Variants in ZBTB20 observed in about 807,000 individuals in gnomAD.
The protein encoded by ZBTB20 is zinc finger and BTB domain containing 20, also known as zinc finger and BTB domain-containing protein 20.
In ZBTB20, 9 loss-of-function variants were observed where a neutral mutation model predicts 56.9. The observed-to-expected ratio is 0.16, with a 90% CI of 0.10 to 0.28. The LOEUF (loss-of-function observed/expected upper bound fraction) is 0.28. Among genes scored for constraint, ZBTB20 ranks in the 10% least tolerant of loss-of-function variants. The pLI is 1.00. For missense variants in ZBTB20, 655 were observed against 1,003.0 expected, an observed-to-expected ratio of 0.65 and a Z score of 4.69; for synonymous variants, 417 against 420.7, an observed-to-expected ratio of 0.99 and a Z score of 0.11.
At chr3:114,753,654 A>C (rs2067779308) in intron 5 of ZBTB20, among the ~76,000 whole-genome samples, 1 of 151,796 alleles carries the variant, frequency 6.6e-6, no homozygotes. Flanking sequence ...GGCTGGTCTC[A>C]AACTCCTGAC....
chr3:114,858,680 G>A (rs1025286754), intron 4 of ZBTB20, among the ~76,000 whole-genome samples: 75 of 152,156 alleles, frequency 4.9e-4, no homozygotes, highest in African/African-American at 1.7e-3. Flanking sequence ...AGCTTAGAAA[G>A]TGCAGTCTTT....
At chr3:114,643,682 C>T (rs1341801831) in intron 6 of ZBTB20, among the ~76,000 whole-genome samples, 2 of 152,008 alleles carry the variant, frequency 1.3e-5, no homozygotes, top group Admixed American at 6.6e-5. Flanking sequence ...AAAAACTTCC[C>T]CAGAGGTATT....
At chr3:114,994,098 A>G (rs536802929) in intron 2 of ZBTB20, among the ~76,000 whole-genome samples, 1 of 152,012 alleles carries the variant, frequency 6.6e-6, no homozygotes, top group Admixed American at 6.6e-5. Context: ...GGCACTGATT[A>G]GAAACTTTAG....
chr3:114,562,189 T>TC (rs59681448), intron 6 of ZBTB20, among the ~76,000 whole-genome samples: 2,873 of 151,798 alleles, frequency 0.019, 93 homozygotes, highest in African/African-American at 0.065. Context: ...TTTTTTTTTT[T>TC]TTTTGAGACG....
chr3:114,685,334 G>A (rs1406730138), intron 6 of ZBTB20, among the ~76,000 whole-genome samples: 2 of 152,164 alleles, frequency 1.3e-5, no homozygotes, highest in East Asian at 3.9e-4. Context: ...GCTGTATCAA[G>A]CCTCATGATT....
At chr3:114,484,198 G>A (rs1226680250) in intron 7 of ZBTB20, among the ~76,000 whole-genome samples, 1 of 152,142 alleles carries the variant, frequency 6.6e-6, no homozygotes. Context: ...ATTTTTCTGA[G>A]AGTATATGTG....
rs183649327 is a variant in ZBTB20, at chr3:114,467,433, T to C, written c.-255+32919A>G. Among the ~76,000 whole-genome samples, 236 of 152,262 alleles carry C rather than the reference T, an allele frequency of 1.5e-3. 1 individual carries two copies. The highest frequency in any genetic ancestry group is 0.01 in the Middle Eastern group (3 of 294). ...AGGAGAACCATAAAAACAGACGCTATAGAGTGTAAAGGTGAAGAATGCTTC... is the reference window on the plus strand; with the variant it reads ...AGGAGAACCATAAAAACAGACGCTACAGAGTGTAAAGGTGAAGAATGCTTC... On this transcript the variant is annotated intron_variant, in intron 7 of 11. Coordinates refer to ENST00000675478, the MANE Select transcript of ZBTB20 (RefSeq NM_001348800.3).
chr3:115,088,780 A>T (rs2083082459), intron 1 of ZBTB20, among the ~76,000 whole-genome samples: 2 of 151,794 alleles, frequency 1.3e-5, no homozygotes, highest in Admixed American at 1.3e-4. Flanking sequence ...TGAGGCATTG[A>T]TGCTGTTAAC....
At chr3:115,109,597 G>A (rs966366254) in intron 1 of ZBTB20, among the ~76,000 whole-genome samples, 2 of 152,090 alleles carry the variant, frequency 1.3e-5, no homozygotes, top group Admixed American at 6.5e-5. Context: ...AGTAGTAAAC[G>A]TCGGGCCTAA....
chr3:114,968,311 T>C (rs1001139094), intron 3 of ZBTB20, among the ~76,000 whole-genome samples: 1 of 152,234 alleles, frequency 6.6e-6, no homozygotes, highest in East Asian at 1.9e-4. Flanking sequence ...TCAAACCTTA[T>C]AATTTACAGT....
intron 3 of ZBTB20, among the ~76,000 whole-genome samples, chr3:114,913,934 G>A (rs995576174): frequency 7.2e-5 from 11 of 151,826 alleles, no homozygotes; most frequent in Non-Finnish European, 1.6e-4. Context: ...CTGTTCCATT[G>A]CTATATACAC....
chr3:115,039,010 A>C (rs915453299), intron 2 of ZBTB20, among the ~76,000 whole-genome samples: 1 of 152,080 alleles, frequency 6.6e-6, no homozygotes, highest in Non-Finnish European at 1.5e-5. Flanking sequence ...ATGACCTGTT[A>C]CTGTATCCTT....
chr3:115,007,063 A>C lies in ZBTB20; in HGVS notation c.-506-32647T>G, dbSNP rs140167857. Among the ~76,000 whole-genome samples, 23 of 151,968 alleles carry C rather than the reference A, an allele frequency of 1.5e-4. No individual in the cohort carries two copies. In the East Asian group the frequency reaches 4.5e-3, roughly 30 times the overall value. ...TAGGAGTATTTGTTATTTTTCTGCA[A>C]AATAGTTCTATCTATATTTCTTTCT... On this transcript the variant is annotated intron_variant, in intron 2 of 11. Transcript: ENST00000675478.
intron 6 of ZBTB20, among the ~76,000 whole-genome samples, chr3:114,533,412 GAAATA>G (rs1003641405): frequency 2.0e-5 from 3 of 151,922 alleles, no homozygotes; most frequent in African/African-American, 7.3e-5. Context: ...TCAACTTAAT[GAAATA>G]AAGCATGAAG....
chr3:114,506,614 C>A (rs1406584505), intron 6 of ZBTB20, among the ~76,000 whole-genome samples: 1 of 152,148 alleles, frequency 6.6e-6, no homozygotes, highest in Non-Finnish European at 1.5e-5. Flanking sequence ...ATATCTTAAA[C>A]TACTGAAATT....
At chr3:114,545,220 T>C (rs1447507899) in intron 6 of ZBTB20, among the ~76,000 whole-genome samples, 2 of 152,232 alleles carry the variant, frequency 1.3e-5, no homozygotes, top group Non-Finnish European at 2.9e-5. Flanking sequence ...GAATGATTTA[T>C]GGAGTTCTGT....
rs532688626 is a variant in ZBTB20, at chr3:114,944,239, G to A, written c.-456+30127C>T. On this transcript the variant is annotated intron_variant, in intron 3 of 11. Coordinates refer to ENST00000675478, the MANE Select transcript of ZBTB20 (RefSeq NM_001348800.3). Reference sequence around the variant, plus strand: ...ACAGATATATGAAAAAATGCTCAACGTTACTAATCATTAAGGAAAAGCAAA... The same window carrying A: ...ACAGATATATGAAAAAATGCTCAACATTACTAATCATTAAGGAAAAGCAAA... Among the ~76,000 whole-genome samples, 38 of 145,366 alleles carry A rather than the reference G, an allele frequency of 2.6e-4. 3 individuals carry two copies. Among genetic ancestry groups the A allele is most frequent in the Admixed American group, 1.5e-3 (22 of 15,054 alleles).
Position 114,317,491 on chromosome 3 carries a change from A to G in ZBTB20, c.*21514T>C, listed in dbSNP as rs1182444053. ...AAATCAGAGAAGTCTATGAAATACA[A>G]TGTTCAGGAAATGCTCTGAAATCAA... On this transcript the variant is annotated 3_prime_UTR_variant, in exon 12 of 12. Transcript: ENST00000675478. The G allele has an allele frequency of 1.3e-5, 2 of 152,180 alleles. No individual in the cohort carries two copies. The highest frequency in any genetic ancestry group is 2.9e-5 in the Non-Finnish European group (2 of 68,036). 9.4% of individuals were successfully genotyped at this position (152,180 alleles called of 1,614,324 possible).
At chr3:114,826,121 T>C (rs1345456678) in intron 4 of ZBTB20, among the ~76,000 whole-genome samples, 2 of 151,678 alleles carry the variant, frequency 1.3e-5, no homozygotes, top group Non-Finnish European at 3.0e-5. Flanking sequence ...TCAACAATAA[T>C]ATGAATGAAG....
Sources: gnomAD v4.1 joint callset for allele counts (sites outside exome capture counted in the v4.1 genomes callset) on GRCh38, gnomAD v4.1.1 for gene constraint, MANE v1.5 for transcripts, NCBI Gene and HGNC (gene_info 2026-07-23, HGNC 2026-07-21) for gene names.